The following KIAA1671 variants were observed in gnomAD, a reference collection of about 807,000 sequenced individuals.
KIAA1671 encodes uncharacterized protein KIAA1671.
Under a neutral mutation model 131.2 loss-of-function variants are expected in KIAA1671, and 52 were observed. The observed-to-expected ratio is 0.40, with a 90% CI of 0.32 to 0.50. KIAA1671 has a LOEUF of 0.50. KIAA1671 is among the 20% of genes least tolerant of loss of function. KIAA1671 has a pLI of 0.73. For missense variants in KIAA1671, 2,360 were observed against 2,364.2 expected, an observed-to-expected ratio of 1.00 and a Z score of 0.04; for synonymous variants, 1,003 against 961.6, an observed-to-expected ratio of 1.04 and a Z score of -0.80.
chr22:25,029,418 G>A lies in KIAA1671; in HGVS notation c.1419G>A (p.Glu473=). Residue 473 remains glutamate, a synonymous_variant, in exon 3 of 13, where the codon GAG becomes GAA. Coordinates refer to ENST00000358431, the MANE Select transcript of KIAA1671 (RefSeq NM_001145206.2). ...CCCCATCGGCGGCACCAGAGCCGGA[G>A]AAAGGGGTTGTGAGCGTTCAGGAAC... ...PASPSAAPEP[E]KGVVSVQERI... is the part of the protein sequence containing the mutation. 2.6e-6 allele frequency: 4 copies of A among 1,551,476 alleles called. No homozygotes were observed. Among genetic ancestry groups the A allele is most frequent in the Non-Finnish European group, 3.5e-6 (4 of 1,146,872 alleles).
intron 1 of KIAA1671, among the ~76,000 whole-genome samples, chr22:24,968,676 T>C (rs1315623762): frequency 3.3e-5 from 5 of 152,148 alleles, no homozygotes; most frequent in Non-Finnish European, 7.3e-5. Flanking sequence ...CCCCACTGTG[T>C]GCATGGAGCT....
At chr22:25,035,975 G>A (rs1926569804) in intron 4 of KIAA1671, among the ~76,000 whole-genome samples, 1 of 152,190 alleles carries the variant, frequency 6.6e-6, no homozygotes, top group African/African-American at 2.4e-5. Flanking sequence ...GGAGGCCAAG[G>A]TGGGAAGATT....
intron 1 of KIAA1671, among the ~76,000 whole-genome samples, chr22:24,958,391 T>A (rs1484062967): frequency 1.3e-5 from 2 of 152,112 alleles, no homozygotes; most frequent in Non-Finnish European, 2.9e-5. Flanking sequence ...GGCTCACGCC[T>A]GTAATCTCAG....
chr22:25,087,749 A>G (rs1929805533), intron 6 of KIAA1671, among the ~76,000 whole-genome samples: 1 of 152,222 alleles, frequency 6.6e-6, no homozygotes, highest in African/African-American at 2.4e-5. Flanking sequence ...TGGTCCATTC[A>G]GGAGCTTTGG....
intron 6 of KIAA1671, chr22:25,053,580 A>AT (rs1927664090): frequency 6.6e-6 from 1 of 151,982 alleles, no homozygotes; most frequent in African/African-American, 2.4e-5. Flanking sequence ...TCTTGAGTTT[A>AT]TTTCTTTTTG....
intron 6 of KIAA1671, among the ~76,000 whole-genome samples, chr22:25,155,941 T>G: frequency 7.3e-6 from 1 of 136,738 alleles, no homozygotes; most frequent in Non-Finnish European, 1.6e-5. Context: ...TATAAATATA[T>G]ATAAATACAC....
intron 4 of KIAA1671, among the ~76,000 whole-genome samples, chr22:25,038,435 G>A (rs912968378): frequency 2.0e-4 from 30 of 152,252 alleles, no homozygotes; most frequent in African/African-American, 7.0e-4. Context: ...CAACGGTGCT[G>A]TCTCAACTTT....
At chr22:25,141,543 T>C (rs1932807751) in intron 6 of KIAA1671, among the ~76,000 whole-genome samples, 1 of 152,148 alleles carries the variant, frequency 6.6e-6, no homozygotes, top group Non-Finnish European at 1.5e-5. Context: ...ATTTTTTTCT[T>C]TGTAAATTTT....
At position 25,124,744 on chromosome 22, in the gene KIAA1671, A is replaced by G. The variant is rs183394297; in HGVS notation, c.4531-46076A>G. The stretch of plus-strand genomic sequence containing the variant: ...CTGCAGTAACAAACTGCCAGCTCTC[A>G]GACACTTAACACCAAGTGTGTGTTT... On this transcript the variant is annotated intron_variant, in intron 6 of 12. Transcript: ENST00000358431. 3.9e-3 allele frequency among the ~76,000 whole-genome samples: 597 copies of G among 152,338 alleles called. 1 individual carries two copies. Among genetic ancestry groups the G allele is most frequent in the Non-Finnish European group, 6.2e-3 (420 of 68,028 alleles).
intron 6 of KIAA1671, among the ~76,000 whole-genome samples, chr22:25,093,601 C>T (rs898823667): frequency 6.6e-6 from 1 of 151,040 alleles, no homozygotes; most frequent in Non-Finnish European, 1.5e-5. Context: ...TGGTGGGGAG[C>T]GGGGAGGCAG....
intron 12 of KIAA1671, among the ~76,000 whole-genome samples, chr22:25,192,082 G>C (rs1243399693): frequency 6.6e-6 from 1 of 152,040 alleles, no homozygotes; most frequent in Non-Finnish European, 1.5e-5. Context: ...TAAGGGATCG[G>C]GACCTGTGTT....
chr22:24,979,354 A>G (rs145008343), intron 1 of KIAA1671, among the ~76,000 whole-genome samples: 1 of 117,856 alleles, frequency 8.5e-6, no homozygotes, highest in African/African-American at 3.5e-5. Flanking sequence ...TTATTTATTT[A>G]TTTATTTTTT....
At chr22:25,170,192 A>C (rs1933796451) in intron 6 of KIAA1671, among the ~76,000 whole-genome samples, 1 of 152,074 alleles carries the variant, frequency 6.6e-6, no homozygotes, top group Non-Finnish European at 1.5e-5. Context: ...GGATTACAAG[A>C]GTGAGCCACC....
Position 25,194,122 on chromosome 22 carries a change from G to T in KIAA1671, c.*1721G>T, listed in dbSNP as rs1934750996. On this transcript the variant is annotated 3_prime_UTR_variant, in exon 13 of 13. Transcript: ENST00000358431. ...TTCTGAGACAAGGTCTTACTCTGTT[G>T]CTCAAGCTGGAGTGGAGTGGCACGA... is the stretch of plus-strand genomic sequence containing the variant. 1 of 152,168 alleles carries T rather than the reference G, an allele frequency of 6.6e-6. No homozygotes were observed. The highest frequency in any genetic ancestry group is 1.5e-5 in the Non-Finnish European group (1 of 68,058). The allele number at this position is 152,168 out of a possible 1,614,324, so 9.4% of individuals were successfully genotyped here.
chr22:25,123,488 G>C (rs542861671), intron 6 of KIAA1671, among the ~76,000 whole-genome samples: 1 of 152,052 alleles, frequency 6.6e-6, no homozygotes, highest in Non-Finnish European at 1.5e-5. Flanking sequence ...TACCGTGCCC[G>C]GCTGAGATGA....
At chr22:25,047,596 C>T (rs1156731763) in intron 5 of KIAA1671, among the ~76,000 whole-genome samples, 1 of 151,636 alleles carries the variant, frequency 6.6e-6, no homozygotes, top group Non-Finnish European at 1.5e-5. Context: ...CCTCAGCCTT[C>T]CAAGTAGCTG....
intron 1 of KIAA1671, among the ~76,000 whole-genome samples, chr22:25,003,580 T>A (rs959034264): frequency 2.6e-5 from 4 of 151,612 alleles, no homozygotes; most frequent in South Asian, 2.1e-4. Context: ...CCTGGCTAAT[T>A]TTTTTGTATT....
intron 11 of KIAA1671, among the ~76,000 whole-genome samples, chr22:25,187,125 C>T (rs1410094480): frequency 2.0e-5 from 3 of 152,202 alleles, no homozygotes; most frequent in Non-Finnish European, 1.5e-5. Flanking sequence ...CCCTCAGGTG[C>T]AGACCCCCAC....
intron 1 of KIAA1671, among the ~76,000 whole-genome samples, chr22:24,972,491 T>C (rs1922676038): frequency 6.6e-6 from 1 of 151,856 alleles, no homozygotes. Context: ...CATCCATATA[T>C]GCATCCATCC....
Sources: allele counts gnomAD v4.1 joint callset (sites outside exome capture counted in the v4.1 genomes callset), GRCh38; gene constraint gnomAD v4.1.1; transcripts MANE v1.5; gene names NCBI Gene and HGNC (gene_info 2026-07-23, HGNC 2026-07-21).